TENM3: variants seen among roughly 807,000 people sequenced by gnomAD.
TENM3 encodes the protein teneurin transmembrane protein 3.
Under a neutral mutation model 255.1 loss-of-function variants are expected in TENM3, and 63 were observed. The observed-to-expected ratio is 0.25, with a 90% CI of 0.20 to 0.30. The LOEUF is 0.30. TENM3 is among the 10% of genes least tolerant of loss of function. TENM3 has a pLI of 1.00. For synonymous variants in TENM3, 1,306 were observed against 1,322.3 expected, an observed-to-expected ratio of 0.99 and a Z score of 0.27; for missense variants, 2,929 against 3,461.1, an observed-to-expected ratio of 0.85 and a Z score of 3.86.
intron 4 of TENM3, among the ~76,000 whole-genome samples, chr4:182,615,814 T>C (rs1749457119): frequency 6.6e-6 from 1 of 152,190 alleles, no homozygotes; most frequent in Non-Finnish European, 1.5e-5. Context: ...TTGAGCGTTG[T>C]ATAACTCATT....
the TENM3 span, among the ~76,000 whole-genome samples, chr4:181,539,792 A>G: frequency 2.0e-5 from 3 of 152,220 alleles, no homozygotes; most frequent in East Asian, 1.9e-4. Context: ...GTTAGTTGCT[A>G]TAGAATATAT....
intron 16 of TENM3, among the ~76,000 whole-genome samples, chr4:182,733,451 G>A (rs1760930979): frequency 6.6e-6 from 1 of 152,078 alleles, no homozygotes; most frequent in South Asian, 2.1e-4. Flanking sequence ...AAACAAGGAG[G>A]CCAGTTAGGA....
the TENM3 span, among the ~76,000 whole-genome samples, chr4:181,790,423 G>A: frequency 6.6e-6 from 1 of 152,074 alleles, no homozygotes; most frequent in South Asian, 2.1e-4. Context: ...TTTTAAAAGC[G>A]AACTCTAACA....
At chr4:182,087,881 A>T in the TENM3 span, among the ~76,000 whole-genome samples, 2 of 152,244 alleles carry the variant, frequency 1.3e-5, no homozygotes, top group African/African-American at 4.8e-5. Context: ...GACAAGGAGT[A>T]CATCAGAAAG....
At chr4:182,128,019 A>T in the TENM3 span, among the ~76,000 whole-genome samples, 1 of 152,148 alleles carries the variant, frequency 6.6e-6, no homozygotes, top group African/African-American at 2.4e-5. Context: ...ATTTCTTTAT[A>T]GGAAGTTTAA....
the TENM3 span, among the ~76,000 whole-genome samples, chr4:181,586,914 G>A: frequency 6.6e-6 from 1 of 152,132 alleles, no homozygotes; most frequent in South Asian, 2.1e-4. Context: ...TTTCTTAAAA[G>A]AAATTTCTTA....
the TENM3 span, among the ~76,000 whole-genome samples, chr4:181,719,506 C>A: frequency 6.6e-6 from 1 of 152,154 alleles, no homozygotes; most frequent in Non-Finnish European, 1.5e-5. Context: ...TCCTCATAGG[C>A]TGTGCTGACT....
chr4:181,706,443 T>C, the TENM3 span, among the ~76,000 whole-genome samples: 1 of 152,278 alleles, frequency 6.6e-6, no homozygotes, highest in South Asian at 2.1e-4. Context: ...GTGACTGTTG[T>C]GGCACAGCAC....
At chr4:181,626,688 C>G in the TENM3 span, among the ~76,000 whole-genome samples, 52 of 152,258 alleles carry the variant, frequency 3.4e-4, no homozygotes, top group Non-Finnish European at 6.3e-4. Flanking sequence ...CCCCTGTGAT[C>G]CAACACCTGC....
the TENM3 span, among the ~76,000 whole-genome samples, chr4:181,569,162 C>T: frequency 3.9e-5 from 6 of 152,020 alleles, no homozygotes; most frequent in African/African-American, 1.2e-4. Flanking sequence ...GTGAGGCCCC[C>T]GTCTCTAAAA....
chr4:181,499,361 A>G, the TENM3 span, among the ~76,000 whole-genome samples: 1 of 152,206 alleles, frequency 6.6e-6, no homozygotes, highest in Non-Finnish European at 1.5e-5. Flanking sequence ...TAAACAACCT[A>G]TTTTCAGTCA....
At chr4:182,033,068 T>C in the TENM3 span, among the ~76,000 whole-genome samples, 1 of 152,156 alleles carries the variant, frequency 6.6e-6, no homozygotes, top group South Asian at 2.1e-4. Flanking sequence ...TCTTGATTAT[T>C]TCTTGTCTTC....
the TENM3 span, among the ~76,000 whole-genome samples, chr4:181,728,424 T>C: frequency 1.8e-4 from 28 of 152,228 alleles, no homozygotes; most frequent in Non-Finnish European, 2.8e-4. Flanking sequence ...CTTGATTATA[T>C]GCTAAACAAG....
At chr4:182,189,567 C>T (rs1011685888) in intron 1 of TENM3, among the ~76,000 whole-genome samples, 5 of 152,204 alleles carry the variant, frequency 3.3e-5, no homozygotes, top group African/African-American at 1.2e-4. Context: ...GCGGCACAAA[C>T]TCCTGGGCTC....
At chr4:182,186,033 C>T (rs1308842853) in intron 1 of TENM3, among the ~76,000 whole-genome samples, 1 of 149,882 alleles carries the variant, frequency 6.7e-6, no homozygotes, top group Non-Finnish European at 1.5e-5. Flanking sequence ...CATAGTTAGG[C>T]TTCCTTTATA....
chr4:181,690,484 G>A, the TENM3 span, among the ~76,000 whole-genome samples: 131 of 152,066 alleles, frequency 8.6e-4, no homozygotes, highest in Non-Finnish European at 1.4e-3. Flanking sequence ...TTTTTTAATG[G>A]ACATATAAGC....
At chr4:181,599,624 T>G in the TENM3 span, among the ~76,000 whole-genome samples, 1 of 152,118 alleles carries the variant, frequency 6.6e-6, no homozygotes, top group African/African-American at 2.4e-5. Flanking sequence ...TCTCTAGTAT[T>G]TTTTTTACCT....
chr4:182,194,099 G>A (rs1479542842), intron 1 of TENM3, among the ~76,000 whole-genome samples: 1 of 152,154 alleles, frequency 6.6e-6, no homozygotes. Context: ...AAAACATATT[G>A]TGTAAATAAT....
intron 3 of TENM3, among the ~76,000 whole-genome samples, chr4:182,482,181 C>A (rs1260769832): frequency 6.6e-6 from 1 of 152,144 alleles, no homozygotes; most frequent in Non-Finnish European, 1.5e-5. Flanking sequence ...TTGAGACATG[C>A]TGACCTAGAA....
Sources: allele counts gnomAD v4.1 joint callset (sites outside exome capture counted in the v4.1 genomes callset), GRCh38; gene constraint gnomAD v4.1.1; transcripts MANE v1.5; gene names NCBI Gene and HGNC (gene_info 2026-07-23, HGNC 2026-07-21).